PLA2R1: variants seen among roughly 807,000 people sequenced by gnomAD.
The protein encoded by PLA2R1 is phospholipase A2 receptor 1.
In PLA2R1, 158 loss-of-function variants were observed where a neutral mutation model predicts 195.9. The observed-to-expected ratio is 0.81, with a 90% CI of 0.71 to 0.92. The LOEUF is 0.92. Ranked by LOEUF, PLA2R1 falls within the 40% of genes least tolerant of loss-of-function variation. The pLI is 0.00. For synonymous variants in PLA2R1, 586 were observed against 598.2 expected (o/e 0.98, Z 0.30); for missense variants, 1,626 against 1,764.6 (o/e 0.92, Z 1.41).
intron 3 of PLA2R1, among the ~76,000 whole-genome samples, chr2:160,039,812 A>G (rs6705574): frequency 0.097 from 14,703 of 151,992 alleles, 1,243 homozygotes; most frequent in East Asian, 0.31. Flanking sequence ...TGAGCTGTAC[A>G]AGGCTGAACA....
At chr2:159,951,819 A>T (rs1560139477) in intron 23 of PLA2R1, among the ~76,000 whole-genome samples, 3 of 152,338 alleles carry the variant, frequency 2.0e-5, no homozygotes, top group South Asian at 4.1e-4. Context: ...CATTTCTAGA[A>T]GATTTCCCAG....
chr2:159,924,061 C>T, the PLA2R1 span, among the ~76,000 whole-genome samples: 10 of 152,026 alleles, frequency 6.6e-5, no homozygotes, highest in African/African-American at 2.2e-4. Flanking sequence ...GAGGAGAACC[C>T]GTTTCTTCCT....
At position 160,062,283 on chromosome 2, in the gene PLA2R1, T is replaced by C. The variant is rs754326167; in HGVS notation, c.109+12A>G. The C allele has an allele frequency of 2.1e-5, 24 of 1,161,724 alleles. No homozygotes were observed. Among genetic ancestry groups the C allele is most frequent in the Non-Finnish European group, 5.7e-6 (5 of 880,264 alleles). The allele number at this position is 1,161,724 out of a possible 1,614,324, so 72.0% of individuals were successfully genotyped here. A position where few individuals can be genotyped will look rare whatever the true frequency, so the allele number is the denominator to read the frequency against. On this transcript the variant is annotated intron_variant, in intron 1 of 29. Transcript: ENST00000283243. Reference sequence around the variant, plus strand: ...AACGTACCGATCCAGTCCCCGACCCTGGGAGACTCACCCTGCCACTCCAGG... The same window carrying C: ...AACGTACCGATCCAGTCCCCGACCCCGGGAGACTCACCCTGCCACTCCAGG...
At chr2:159,981,502 C>G (rs1006655542) in intron 13 of PLA2R1, among the ~76,000 whole-genome samples, 3 of 152,014 alleles carry the variant, frequency 2.0e-5, no homozygotes, top group African/African-American at 7.3e-5. Context: ...TCTTCCCAGG[C>G]TCAATTGATA....
intron 17 of PLA2R1, among the ~76,000 whole-genome samples, chr2:159,975,604 T>C (rs1689488743): frequency 6.6e-6 from 1 of 152,188 alleles, no homozygotes; most frequent in African/African-American, 2.4e-5. Context: ...TTGAGCTTAA[T>C]TTTCCTCTGT....
At chr2:159,942,830 A>T (rs1261571100) in intron 28 of PLA2R1, among the ~76,000 whole-genome samples, 2 of 152,222 alleles carry the variant, frequency 1.3e-5, no homozygotes, top group Non-Finnish European at 2.9e-5. Flanking sequence ...ATAGAGAATG[A>T]ACCAGAGGAA....
At chr2:160,002,551 A>G (rs1691674690) in intron 11 of PLA2R1, among the ~76,000 whole-genome samples, 1 of 152,048 alleles carries the variant, frequency 6.6e-6, no homozygotes, top group South Asian at 2.1e-4. Context: ...TGCTAAAATC[A>G]TAAACCTACC....
At chr2:160,001,307 T>G (rs1691578667) in intron 11 of PLA2R1, among the ~76,000 whole-genome samples, 1 of 151,668 alleles carries the variant, frequency 6.6e-6, no homozygotes, top group South Asian at 2.1e-4. Flanking sequence ...TAGATTTAGA[T>G]AATACAATTT....
intron 27 of PLA2R1, among the ~76,000 whole-genome samples, chr2:159,945,584 A>C (rs1205435148): frequency 6.6e-6 from 1 of 152,168 alleles, no homozygotes; most frequent in Non-Finnish European, 1.5e-5. Context: ...ACATTTTCTT[A>C]ATCCAGTCTA....
chr2:159,959,002 T>C (rs1268639559), intron 20 of PLA2R1, among the ~76,000 whole-genome samples: 2 of 152,354 alleles, frequency 1.3e-5, no homozygotes, highest in East Asian at 3.9e-4. Flanking sequence ...TAGCTTGAGG[T>C]TGAGTTGCCA....
intron 14 of PLA2R1, among the ~76,000 whole-genome samples, chr2:159,978,304 T>G (rs971686630): frequency 6.6e-6 from 1 of 152,134 alleles, no homozygotes; most frequent in African/African-American, 2.4e-5. Flanking sequence ...CACAGAAGAA[T>G]GGATGTACCA....
intron 1 of PLA2R1, among the ~76,000 whole-genome samples, chr2:160,055,309 T>G (rs1044609931): frequency 6.6e-6 from 1 of 152,184 alleles, no homozygotes. Flanking sequence ...TCAAGAAGGC[T>G]GGCATGATTC....
chr2:159,961,656 CCTCT>C (rs1277904297), intron 20 of PLA2R1, among the ~76,000 whole-genome samples: 8 of 152,138 alleles, frequency 5.3e-5, no homozygotes, highest in Non-Finnish European at 1.0e-4. Flanking sequence ...TATTTATTCC[CCTCT>C]CTATTCCTTT....
At chr2:160,025,916 G>A (rs935857607) in intron 6 of PLA2R1, among the ~76,000 whole-genome samples, 18 of 152,300 alleles carry the variant, frequency 1.2e-4, no homozygotes, top group South Asian at 4.1e-4. Context: ...TAGCAGATAT[G>A]TAGGATGAAC....
chr2:160,028,894 T>C lies in PLA2R1; in HGVS notation c.911A>G (p.Gln304Arg). 1 of 1,613,162 alleles carries C rather than the reference T, an allele frequency of 6.2e-7. No individual in the cohort carries two copies. Among genetic ancestry groups the C allele is most frequent in the Non-Finnish European group, 8.5e-7 (1 of 1,179,082 alleles). ...GTTGAGCGGCGTTCCATCAGACCAC[T>C]GCCAGCCAGCGTGTTCATCCAGCTG... ...LNQLDEHAGW[Q>R]WSDGTPLNYL... is the part of the protein sequence containing the mutation. Residue 304 changes from glutamine to arginine, a missense_variant, in exon 5 of 30, where the codon CAG becomes CGG. Gln to Arg is a conservative substitution (Grantham distance 43). Coordinates refer to ENST00000283243, the MANE Select transcript of PLA2R1 (RefSeq NM_007366.5).
At chr2:159,975,999 T>G in intron 17 of PLA2R1, 69 bp downstream of exon 17, 8 of 583,234 alleles carry the variant, frequency 1.4e-5, no homozygotes, top group Non-Finnish European at 9.5e-6. Context: ...AAACTATCCC[T>G]CCCTCCCTCC....
chr2:159,956,500 A>C lies in PLA2R1; in HGVS notation c.3022+10T>G. 6 of 1,448,296 alleles carry C rather than the reference A, an allele frequency of 4.1e-6. No individual in the cohort carries two copies. Among genetic ancestry groups the C allele is most frequent in the Non-Finnish European group, 5.8e-6 (6 of 1,028,586 alleles). 89.7% of individuals were successfully genotyped at this position (1,448,296 alleles called of 1,614,324 possible). ...GTTATCTTGGCCTGGTTGGATCTTG[A>C]GTACTCTACCTTGCTCCACCTCACT... On this transcript the variant is annotated intron_variant, in intron 21 of 29. Transcript: ENST00000283243.
At chr2:159,953,529 T>C (rs1452149234) in intron 23 of PLA2R1, among the ~76,000 whole-genome samples, 1 of 152,258 alleles carries the variant, frequency 6.6e-6, no homozygotes, top group African/African-American at 2.4e-5. Context: ...ACATAAAGTG[T>C]GTGAGATGGC....
chr2:160,011,200 G>T (rs1692338825), intron 10 of PLA2R1, among the ~76,000 whole-genome samples: 1 of 152,172 alleles, frequency 6.6e-6, no homozygotes, highest in African/African-American at 2.4e-5. Flanking sequence ...GTCCCCAAAG[G>T]GTTCATGGAA....
Sources: allele counts gnomAD v4.1 joint callset (sites outside exome capture counted in the v4.1 genomes callset), GRCh38; gene constraint gnomAD v4.1.1; transcripts MANE v1.5; gene names NCBI Gene and HGNC (gene_info 2026-07-23, HGNC 2026-07-21).